Variants in TMEM181 observed in about 807,000 individuals in gnomAD.
TMEM181 encodes G protein-coupled receptor 178.
In TMEM181, 39 loss-of-function variants were observed where a neutral mutation model predicts 71.9. The ratio of observed to expected loss-of-function variants is 0.54; its 90% CI spans 0.42 to 0.71. The LOEUF (loss-of-function observed/expected upper bound fraction) is 0.71, where lower values mean the gene tolerates loss of function less well. TMEM181 is among the 30% of genes least tolerant of loss of function. The pLI is 0.00. For synonymous variants in TMEM181, 245 were observed against 228.8 expected (o/e 1.07, Z -0.64); for missense variants, 595 against 583.0 (o/e 1.02, Z -0.21).
At position 158,634,134 on chromosome 6, in the gene TMEM181, T is replaced by C. The variant is rs1197524444; in HGVS notation, c.*2246T>C. 1.3e-5 allele frequency: 2 copies of C among 151,318 alleles called. No individual in the cohort carries two copies. The highest frequency in any genetic ancestry group is 4.9e-5 in the African/African-American group (2 of 40,974). The allele number at this position is 151,318 out of a possible 1,614,324, so 9.4% of individuals were successfully genotyped here. A position where few individuals can be genotyped will look rare whatever the true frequency, so the allele number is the denominator to read the frequency against. On this transcript the variant is annotated 3_prime_UTR_variant, in exon 17 of 17. Transcript: ENST00000684151. ...AAATATAGGATTATTTATTTACTTT[T>C]TGTAACTAAGTGGGAAATAAGAAAA... is the stretch of plus-strand genomic sequence containing the variant.
At position 158,581,753 on chromosome 6, in the gene TMEM181, C is replaced by CAAAAAA. The variant is rs10626721; in HGVS notation, c.168+774_168+779dup. ...TGGGTGACAGAGTGAGACTCTGTCTCAAAAAAAAAAAAAAAAAAAAAGCCT... is the reference window on the plus strand; with the variant it reads ...TGGGTGACAGAGTGAGACTCTGTCTCAAAAAAAAAAAAAAAAAAAAAAAAAAAGCCT... On this transcript the variant is annotated intron_variant, in intron 3 of 16. Coordinates refer to ENST00000684151, the MANE Select transcript of TMEM181 (RefSeq NM_001376852.1). Among the ~76,000 whole-genome samples the CAAAAAA allele has an allele frequency of 2.1e-3, 131 of 61,890 alleles. 2 individuals carry two copies. Among genetic ancestry groups the CAAAAAA allele is most frequent in the Middle Eastern group, 0.012 (1 of 84 alleles). 40.6% of individuals were successfully genotyped at this position (61,890 alleles called of 152,430 possible).
chr6:158,559,108 C>T (rs1210194139), upstream of TMEM181, among the ~76,000 whole-genome samples: 1 of 152,004 alleles, frequency 6.6e-6, no homozygotes, highest in African/African-American at 2.4e-5. Context: ...GTATCTCCCC[C>T]TTTTAACCCC....
intron 10 of TMEM181, chr6:158,611,293 G>C (rs982759309): frequency 2.0e-6 from 1 of 500,326 alleles, no homozygotes; most frequent in African/African-American, 2.0e-5. Flanking sequence ...ACTCCTAGCT[G>C]GTCCTTCTCC....
Position 158,583,965 on chromosome 6 carries a change from T to A in TMEM181, c.180T>A (p.Ile60=). ...SLNNSKKLKP[I]QILSNPLSTY... is the part of the protein sequence containing the mutation. ...TTTTTTTTCTTCAGCTAAAGCCAAT[T>A]CAAATACTTTCAAATCCACTGTCTA... is the stretch of plus-strand genomic sequence containing the variant. Residue 60 remains isoleucine (I), a synonymous_variant, in exon 4 of 17, where the codon ATT becomes ATA. Transcript: ENST00000684151. The A allele has an allele frequency of 6.2e-7, 1 of 1,605,842 alleles. No homozygotes were observed. Among genetic ancestry groups the A allele is most frequent in the Non-Finnish European group, 8.5e-7 (1 of 1,176,086 alleles).
At chr6:158,574,778 TCCTG>T (rs1382201221) in intron 2 of TMEM181, among the ~76,000 whole-genome samples, 1 of 152,208 alleles carries the variant, frequency 6.6e-6, no homozygotes, top group Non-Finnish European at 1.5e-5. Context: ...TGTCTGTCTG[TCCTG>T]CCTGTCTGTC....
At chr6:158,591,572 C>A (rs1784113404) in intron 6 of TMEM181, among the ~76,000 whole-genome samples, 1 of 151,832 alleles carries the variant, frequency 6.6e-6, no homozygotes, top group Non-Finnish European at 1.5e-5. Flanking sequence ...GTGGGGGATT[C>A]CAGATGGGGT....
At position 158,546,378 on chromosome 6, in the gene TMEM181, G is replaced by A. The variant is rs112226385; in HGVS notation, c.131+9513G>A. ...CACTTTATAAAGATATGGCACTACA[G>A]CATTTAAGACCATTGGTTGCAAGTA... On this transcript the variant is annotated intron_variant, in intron 1 of 16. Transcript: ENST00000367090. Among the ~76,000 whole-genome samples the A allele has an allele frequency of 9.8e-3, 1,490 of 152,354 alleles. 32 individuals are homozygous for A. Among genetic ancestry groups the A allele is most frequent in the African/African-American group, 0.034 (1,414 of 41,582 alleles).
intron 14 of TMEM181, among the ~76,000 whole-genome samples, chr6:158,629,053 G>A (rs1215444978): frequency 6.6e-6 from 1 of 152,214 alleles, no homozygotes; most frequent in South Asian, 2.1e-4. Context: ...GATTCCCGCT[G>A]TGCCTGAGGC....
At chr6:158,575,019 A>G (rs1304089949) in intron 2 of TMEM181, among the ~76,000 whole-genome samples, 3 of 152,028 alleles carry the variant, frequency 2.0e-5, no homozygotes, top group East Asian at 1.9e-4. Context: ...TACTCAGCCA[A>G]TTTGTTTTAT....
chr6:158,594,982 C>T (rs967342219), intron 6 of TMEM181, among the ~76,000 whole-genome samples: 12 of 152,160 alleles, frequency 7.9e-5, no homozygotes, highest in Admixed American at 7.2e-4. Flanking sequence ...CTGGCCCCTA[C>T]GTTTTCAACT....
exon 1 of TMEM181, chr6:158,536,845 C>A (rs779565996): frequency 2.0e-6 from 3 of 1,495,568 alleles, no homozygotes; most frequent in Non-Finnish European, 2.7e-6. Flanking sequence ...TCACGCCCTT[C>A]AAGGATGACC....
At chr6:158,598,637 A>T (rs1293095835) in intron 6 of TMEM181, among the ~76,000 whole-genome samples, 15 of 140,934 alleles carry the variant, frequency 1.1e-4, no homozygotes, top group Non-Finnish European at 7.8e-5. Context: ...TTTTTTTTTT[A>T]TTTTTATTTT....
chr6:158,566,770 G>T (rs1377901946), intron 1 of TMEM181, among the ~76,000 whole-genome samples: 1 of 151,604 alleles, frequency 6.6e-6, no homozygotes, highest in Admixed American at 6.6e-5. Flanking sequence ...GGGAGGTGAT[G>T]ATGAGGCTGT....
At chr6:158,543,864 C>T (rs567485217) in intron 1 of TMEM181, among the ~76,000 whole-genome samples, 1 of 152,272 alleles carries the variant, frequency 6.6e-6, no homozygotes, top group East Asian at 1.9e-4. Context: ...AAAAGAACAG[C>T]TCATGTGTTG....
At chr6:158,567,608 A>G (rs1782583100) in intron 1 of TMEM181, among the ~76,000 whole-genome samples, 1 of 152,164 alleles carries the variant, frequency 6.6e-6, no homozygotes, top group Non-Finnish European at 1.5e-5. Context: ...AAGAGAGAGC[A>G]TCTTAGATCA....
At position 158,576,760 on chromosome 6, in the gene TMEM181, T is replaced by C. The variant is rs549091294; in HGVS notation, c.112+3237T>C. On this transcript the variant is annotated intron_variant, in intron 2 of 16. Coordinates refer to ENST00000684151, the MANE Select transcript of TMEM181 (RefSeq NM_001376852.1). ...CATTATTAGATTTAAGTGTCCACTT[T>C]TAAACAAAAGGTCACAAGGCGGCCG... Among the ~76,000 whole-genome samples, 3 of 152,170 alleles carry C rather than the reference T, an allele frequency of 2.0e-5. No individual in the cohort carries two copies. In the East Asian group the frequency reaches 5.8e-4, roughly 29 times the overall value.
At chr6:158,537,427 G>A (rs1346614513) in intron 1 of TMEM181, among the ~76,000 whole-genome samples, 5 of 152,238 alleles carry the variant, frequency 3.3e-5, no homozygotes, top group African/African-American at 7.2e-5. Flanking sequence ...CGGGGACACG[G>A]CGCCTGGGAG....
rs947589540 is a variant in TMEM181, at chr6:158,626,825, C to T, written c.1109+1071C>T. 6 of 442,562 alleles carry T rather than the reference C, an allele frequency of 1.4e-5. No individual in the cohort carries two copies. In the East Asian group the frequency reaches 2.8e-4, roughly 21 times the overall value. 27.4% of individuals were successfully genotyped at this position (442,562 alleles called of 1,614,324 possible). A position where few individuals can be genotyped will look rare whatever the true frequency, so the allele number is the denominator to read the frequency against. On this transcript the variant is annotated intron_variant, in intron 13 of 16. Coordinates refer to ENST00000684151, the MANE Select transcript of TMEM181 (RefSeq NM_001376852.1). ...CTCACAACTGACCCACCCTCACACA[C>T]ACACCTTCACACACACCCTCATTTT... is the stretch of plus-strand genomic sequence containing the variant.
At chr6:158,583,848 AC>A (rs1470430713) in intron 3 of TMEM181, 105 bp from the exon 4 acceptor site, 1 of 730,068 alleles carries the variant, frequency 1.4e-6, no homozygotes, top group African/African-American at 1.8e-5. Flanking sequence ...CAAAGCTAAC[AC>A]TGAAGCCTTT....
Sources: allele counts gnomAD v4.1 joint callset (sites outside exome capture counted in the v4.1 genomes callset), GRCh38; gene constraint gnomAD v4.1.1; transcripts MANE v1.5; gene names NCBI Gene and HGNC (gene_info 2026-07-23, HGNC 2026-07-21).